The following DNAJC13 variants were observed in gnomAD, a reference collection of about 807,000 sequenced individuals.
DNAJC13 encodes DnaJ heat shock protein family (Hsp40) member C13, also known as dnaJ homolog subfamily C member 13.
DNAJC13 carries 75 observed loss-of-function variants against 290.5 expected under a neutral mutation model. That is an observed-to-expected ratio of 0.26 (90% confidence interval 0.21 to 0.31). DNAJC13 has a LOEUF of 0.31. DNAJC13 is among the 10% of genes least tolerant of loss of function. The pLI, the probability that DNAJC13 is intolerant of heterozygous loss-of-function variation, is 1.00. For missense variants in DNAJC13, 2,260 were observed against 2,674.5 expected (o/e 0.85, Z 3.42); for synonymous variants, 862 against 892.0 (o/e 0.97, Z 0.60).
At chr3:132,435,609 C>A (rs937421590) in intron 2 of DNAJC13, among the ~76,000 whole-genome samples, 1 of 152,024 alleles carries the variant, frequency 6.6e-6, no homozygotes, top group South Asian at 2.1e-4. Context: ...TAGTTGTTAC[C>A]CTTTAGAATA....
rs779112560 is a variant in DNAJC13 at position 132,453,480 on chromosome 3, C to T, written c.720C>T (p.Val240=). 2 of 1,613,740 alleles carry T rather than the reference C, an allele frequency of 1.2e-6. No homozygotes were observed. The highest frequency in any genetic ancestry group is 3.3e-5 in the Admixed American group (2 of 60,016). ...ESITSLAEFV[V]QKISPRHSEP... ...TCACATCTTTAGCAGAGTTTGTAGT[C>T]CAAAAAATATCACCTAGACATTCGG... is the stretch of plus-strand genomic sequence containing the variant. Residue 240 remains valine (V), a synonymous_variant, in exon 7 of 56, where the codon GTC becomes GTT. Coordinates refer to ENST00000260818, the MANE Select transcript of DNAJC13 (RefSeq NM_015268.4).
chr3:132,439,557 G>A (rs185263493), intron 2 of DNAJC13, among the ~76,000 whole-genome samples: 133 of 151,946 alleles, frequency 8.8e-4, no homozygotes, highest in African/African-American at 3.1e-3. Context: ...AGGCAACCTG[G>A]GACTTGAACA....
At chr3:132,505,501 C>A in intron 42 of DNAJC13, 86 bp downstream of exon 42, 1 of 831,036 alleles carries the variant, frequency 1.2e-6, no homozygotes, top group Non-Finnish European at 1.9e-6. Flanking sequence ...AACAGAAATC[C>A]ACTACTTCTC....
intron 53 of DNAJC13, among the ~76,000 whole-genome samples, chr3:132,527,358 A>T (rs1269535763): frequency 1.3e-5 from 2 of 152,286 alleles, no homozygotes; most frequent in East Asian, 1.9e-4. Context: ...CATCTTTATT[A>T]TCTGGGCTTC....
At position 132,478,036 on chromosome 3, in the gene DNAJC13, A is replaced by G; in HGVS notation, c.2605A>G (p.Met869Val). Residue 869 changes from methionine (M) to valine (V), a missense_variant, in exon 24 of 56, where the codon ATG (methionine) becomes GTG (valine). Met to Val is a conservative substitution (Grantham distance 21). This residue lies in a region of DNAJC13 where 1,494 missense variants were observed against 1,693.7 expected (regional missense o/e 0.88). Coordinates refer to ENST00000260818, the MANE Select transcript of DNAJC13 (RefSeq NM_015268.4). ...HRFLLTPKVN[M>V]KCLCLQALAI... Reference sequence around the variant, plus strand: ...CTTCTTGCTCACCCCAAAAGTAAACATGAAGTGTTTATGTTTACAAGCCCT... The same window carrying G: ...CTTCTTGCTCACCCCAAAAGTAAACGTGAAGTGTTTATGTTTACAAGCCCT... The G allele has an allele frequency of 5.0e-6, 8 of 1,613,506 alleles. No individual in the cohort carries two copies. Among genetic ancestry groups the G allele is most frequent in the Non-Finnish European group, 6.8e-6 (8 of 1,179,838 alleles).
rs1264254156 is a variant in DNAJC13 at position 132,495,135 on chromosome 3, A to G, written c.3989A>G (p.Lys1330Arg). Residue 1330 changes from lysine (K) to arginine (R), a missense_variant, in exon 35 of 56, where the codon AAG becomes AGG. Lys to Arg is a conservative substitution (Grantham distance 26, BLOSUM62 2). This residue lies in a region of DNAJC13 where 1,494 missense variants were observed against 1,693.7 expected (regional missense o/e 0.88). Transcript: ENST00000260818. ...IRKAYFRLAQ[K>R]YHPDKNPEGR... ...AAAGCTTACTTCAGACTTGCACAAA[A>G]GTACCACCCTGATAAGAATCCAGAA... 2 of 1,613,502 alleles carry G rather than the reference A, an allele frequency of 1.2e-6. No homozygotes were observed. The highest frequency in any genetic ancestry group is 3.3e-5 in the Admixed American group (2 of 59,986).
intron 31 of DNAJC13, among the ~76,000 whole-genome samples, chr3:132,489,849 A>T (rs1282524021): frequency 6.6e-6 from 1 of 152,314 alleles, no homozygotes; most frequent in Non-Finnish European, 1.5e-5. Context: ...TAAACAAGTT[A>T]AAAAAGTCTC....
chr3:132,426,173 T>C (rs1223222114), intron 1 of DNAJC13, among the ~76,000 whole-genome samples: 2 of 152,166 alleles, frequency 1.3e-5, no homozygotes, highest in East Asian at 3.8e-4. Flanking sequence ...TGTGTTGCCC[T>C]GAATTTGACT....
chr3:132,421,680 TCCAC>T (rs1056325420), intron 1 of DNAJC13, among the ~76,000 whole-genome samples: 9 of 151,502 alleles, frequency 5.9e-5, no homozygotes, highest in Non-Finnish European at 1.0e-4. Flanking sequence ...CCTCAAGTGA[TCCAC>T]CCACCCAGGC....
intron 45 of DNAJC13, among the ~76,000 whole-genome samples, chr3:132,513,396 G>C (rs966173612): frequency 6.6e-6 from 1 of 152,138 alleles, no homozygotes; most frequent in African/African-American, 2.4e-5. Flanking sequence ...GGGAAGCTTA[G>C]AAGCCACACA....
Position 132,447,304 on chromosome 3 carries a change from A to ATTT in DNAJC13, c.145-6_145-4dup. ...CTGTATTATAGTAGCACCAGTCAAA[A>ATTT]TTTTTTTTTTTTTAAGTGGCCTTAT... On this transcript the variant is annotated splice_polypyrimidine_tract_variant and intron_variant, in intron 3 of 55. Coordinates refer to ENST00000260818, the MANE Select transcript of DNAJC13 (RefSeq NM_015268.4). 4.3e-6 allele frequency: 5 copies of ATTT among 1,159,356 alleles called. No individual in the cohort carries two copies. The South Asian group carries it at 5.0e-5, about 12-fold the overall frequency. 71.8% of individuals were successfully genotyped at this position (1,159,356 alleles called of 1,614,324 possible).
At chr3:132,531,527 G>A (rs1336443702) in intron 55 of DNAJC13, among the ~76,000 whole-genome samples, 1 of 152,198 alleles carries the variant, frequency 6.6e-6, no homozygotes, top group Non-Finnish European at 1.5e-5. Context: ...GCTGGGCGCG[G>A]TGGCTCACGC....
chr3:132,499,385 G>A, intron 37 of DNAJC13, 75 bp downstream of exon 37: 2 of 1,247,604 alleles, frequency 1.6e-6, no homozygotes, highest in Non-Finnish European at 1.1e-6. Context: ...GAAGAATTCA[G>A]CAAGTACAAA....
chr3:132,520,107 A>G (rs1014630880), intron 48 of DNAJC13, among the ~76,000 whole-genome samples: 19 of 152,094 alleles, frequency 1.2e-4, no homozygotes, highest in African/African-American at 4.4e-4. Flanking sequence ...TGGAAATTCA[A>G]GATGACATTT....
intron 1 of DNAJC13, among the ~76,000 whole-genome samples, chr3:132,424,620 A>C (rs1939044082): frequency 6.6e-6 from 1 of 152,102 alleles, no homozygotes; most frequent in Admixed American, 6.5e-5. Flanking sequence ...GTTGATTATG[A>C]TGTGACAGTA....
Position 132,456,756 on chromosome 3 carries a change from C to A in DNAJC13, c.1273C>A (p.Leu425Ile), listed in dbSNP as rs761692595. ...EGDVVASNAE[L>I]ESQFQAVRRL... is the part of the protein sequence containing the mutation. The stretch of plus-strand genomic sequence containing the variant: ...GGATGTCGTTGCTTCAAATGCGGAA[C>A]TTGAGAGTCAGTTCCAGGCTGTGAG... The change falls in exon 12 of 56, where the codon CTT (leucine) becomes ATT (isoleucine). Residue 425 changes from leucine (L) to isoleucine (I), a missense_variant. Transcript: ENST00000260818. 1 of 1,614,120 alleles carries A rather than the reference C, an allele frequency of 6.2e-7. No individual in the cohort carries two copies. Among genetic ancestry groups the A allele is most frequent in the East Asian group, 2.2e-5 (1 of 44,874 alleles).
intron 48 of DNAJC13, 112 bp from the exon 49 acceptor site, chr3:132,522,716 C>T: frequency 1.1e-6 from 1 of 890,554 alleles, no homozygotes; most frequent in Non-Finnish European, 1.7e-6. Context: ...TTATGGCCCA[C>T]ATAAGTCATA....
At chr3:132,483,719 CAG>C (rs1934757911) in intron 28 of DNAJC13, 142 bp downstream of exon 28, 1 of 889,944 alleles carries the variant, frequency 1.1e-6, no homozygotes, top group Non-Finnish European at 1.6e-6. Context: ...TTTTTTGAAA[CAG>C]ATATAAAGAA....
intron 1 of DNAJC13, among the ~76,000 whole-genome samples, chr3:132,418,021 G>A (rs1938844731): frequency 6.6e-6 from 1 of 151,818 alleles, no homozygotes; most frequent in African/African-American, 2.4e-5. Flanking sequence ...TTTATACCTA[G>A]TACGCTCCTC....
Sources: gnomAD v4.1 joint callset for allele counts (sites outside exome capture counted in the v4.1 genomes callset) on GRCh38, gnomAD v4.1.1 for gene constraint, gnomAD v4.1.1 regional missense constraint, MANE v1.5 for transcripts, NCBI Gene and HGNC (gene_info 2026-07-23, HGNC 2026-07-21) for gene names.